The following KRT16 variants were observed in gnomAD, a reference collection of about 807,000 sequenced individuals.
The protein encoded by KRT16 is keratin 16.
KRT16 carries 42 observed loss-of-function variants against 44.8 expected under a neutral mutation model. The ratio of observed to expected loss-of-function variants is 0.94; its 90% CI spans 0.73 to 1.21. The LOEUF is 1.21. Ranked by LOEUF, KRT16 falls within the 50% of genes most tolerant of loss-of-function variation. KRT16 has a pLI of 0.00. For missense variants in KRT16, 561 were observed against 626.9 expected, an observed-to-expected ratio of 0.89 and a Z score of 1.12; for synonymous variants, 226 against 260.4, an observed-to-expected ratio of 0.87 and a Z score of 1.27.
At chr17:41,611,891 C>G in intron 1 of KRT16, 170 bp from the exon 2 acceptor site, 1 of 784,274 alleles carries the variant, frequency 1.3e-6, no homozygotes, top group Non-Finnish European at 2.2e-6. Context: ...CACTCCATCC[C>G]GATCACCCCC....
In KRT16 at chr17:41,610,023, G is replaced by A. The variant is rs1908129149; in HGVS notation, c.1334C>T (p.Thr445Ile). Residue 445 changes from threonine (T) to isoleucine (I), a missense_variant, in exon 8 of 8, where the codon ACC (threonine) becomes ATC (isoleucine). By Grantham distance (89) the Thr-to-Ile change is moderately conservative (BLOSUM62 -1). Transcript: ENST00000301653. The stretch of plus-strand genomic sequence containing the variant: ...ACGGCTCGAAGAGGACGAGGAGGAG[G>A]TGAAGACTGTGGGAGAGAGAAGAGG... Reference protein sequence around the residue: ...GQSYSSREVFTSSSSSSSRQT... With the variant: ...GQSYSSREVFISSSSSSSRQT... 1 of 1,609,048 alleles carries A rather than the reference G, an allele frequency of 6.2e-7. No homozygotes were observed. The highest frequency in any genetic ancestry group is 1.3e-5 in the African/African-American group (1 of 74,906).
Position 41,612,624 on chromosome 17 carries a change from C to T in KRT16, c.65G>A (p.Gly22Asp), listed in dbSNP as rs1191152826. 1 of 1,597,744 alleles carries T rather than the reference C, an allele frequency of 6.3e-7. No homozygotes were observed. The highest frequency in any genetic ancestry group is 2.3e-5 in the East Asian group (1 of 44,014). ...SSMKGSCGIG[G>D]GIGGGSSRIS... ...GCGGCTGGAGCCGCCCCCGATGCCG[C>T]CTCCGATGCCGCAGGAGCCCTTCAT... The change falls in exon 1 of 8, where the codon GGC becomes GAC. Residue 22 changes from glycine (G) to aspartate (D), a missense_variant. Gly to Asp is a moderately conservative substitution (Grantham distance 94). Coordinates refer to ENST00000301653, the MANE Select transcript of KRT16 (RefSeq NM_005557.4).
In KRT16 at chr17:41,610,933, T is replaced by C; in HGVS notation, c.980A>G (p.Gln327Arg). Residue 327 changes from glutamine (Q) to arginine (R), a missense_variant, in exon 5 of 8, where the codon CAG becomes CGG. Physicochemically the swap from Gln to Arg is conservative, Grantham distance 43. Transcript: ENST00000301653. ...CTCCGTCACCTCACTGCGGCTGCTC[T>C]GTACCAGTTCGCTGTTGGAGGCCAC... ...KEVASNSELV[Q>R]SSRSEVTELR... is the part of the protein sequence containing the mutation. 1 of 1,614,196 alleles carries C rather than the reference T, an allele frequency of 6.2e-7. No homozygotes were observed. Among genetic ancestry groups the C allele is most frequent in the Non-Finnish European group, 8.5e-7 (1 of 1,180,030 alleles).
intron 7 of KRT16, 25 bp downstream of exon 7, chr17:41,610,165 T>C (rs764733739): frequency 1.8e-5 from 29 of 1,613,274 alleles, no homozygotes; most frequent in Non-Finnish European, 2.1e-5. Context: ...GGGGCTGCAG[T>C]GCCGGGGAGC....
chr17:41,609,921 GAGGCAGCTC>G lies in KRT16; in HGVS notation c.*5_*13del. ...AGCTGGTGGGCAGGAGGCTGTGGTA[GAGGCAGCTC>G]AGTTCTAGGAGCTCTGGCCCTGGCT... On this transcript the variant is annotated 3_prime_UTR_variant, in exon 8 of 8. Transcript: ENST00000301653. 6.2e-7 allele frequency: 1 copy of G among 1,610,280 alleles called. No homozygotes were observed. Among genetic ancestry groups the G allele is most frequent in the Non-Finnish European group, 8.5e-7 (1 of 1,178,768 alleles).
At chr17:41,612,043 C>T in intron 1 of KRT16, 115 bp downstream of exon 1, 1 of 1,318,942 alleles carries the variant, frequency 7.6e-7, no homozygotes, top group South Asian at 1.2e-5. Context: ...ATCCTGGCCA[C>T]TCCCCAAAGG....
chr17:41,610,355 C>T lies in KRT16; in HGVS notation c.1256G>A (p.Arg419His), dbSNP rs138288025. The T allele has an allele frequency of 1.1e-5, 18 of 1,612,696 alleles. No individual in the cohort carries two copies. The African/African-American group carries it at 1.3e-4, about 12-fold the overall frequency. The change falls in exon 6 of 8, where the codon CGC becomes CAC. Residue 419 changes from arginine (R) to histidine (H), a missense_variant. By Grantham distance (29) the Arg-to-His change is conservative. Transcript: ENST00000301653. The part of the protein sequence containing the change: ...RLEQEIATYR[R>H]LLEGEDAHLS... ...CTGGGCATCCTCGCCCTCCAGCAGG[C>T]GGCGGTAGGTGGCAATCTCCTGCTC...
Position 41,612,164 on chromosome 17 carries a change from C to A in KRT16, c.525G>T (p.Arg175Ser), listed in dbSNP as rs373125352. Residue 175 changes from arginine to serine, a missense_variant, in exon 1 of 8, where the codon AGG becomes AGT. Transcript: ENST00000301653. ...ATACACCAAAGTCACCCACCTTGTT[C>A]CTCAGGTCCTCGATGGTCTTGAAGT... ...SPYFKTIEDLRNKIIAATIEN... is the reference protein window; with the variant it reads ...SPYFKTIEDLSNKIIAATIEN... The A allele has an allele frequency of 3.3e-5, 53 of 1,612,220 alleles. No homozygotes were observed. The African/African-American group carries it at 5.3e-4, about 16-fold the overall frequency.
chr17:41,611,023 C>A (rs1908176118), intron 4 of KRT16, 44 bp from the exon 5 acceptor site: 1 of 1,614,044 alleles, frequency 6.2e-7, no homozygotes, highest in African/African-American at 1.3e-5. Context: ...CTCCCAAAGC[C>A]CCCAGCTGGG....
chr17:41,611,160 T>C lies in KRT16; in HGVS notation c.842A>G (p.Asp281Gly), dbSNP rs1567744876. Reference protein sequence around the residue: ...NVEMDAAPGVDLSRILNEMRD... With the variant: ...NVEMDAAPGVGLSRILNEMRD... ...CATCTCATTCAGGATGCGGCTCAGG[T>C]CCACGCCAGGTGCAGCATCCATCTC... Residue 281 changes from aspartate (D) to glycine (G), a missense_variant, in exon 4 of 8, where the codon GAC (aspartate) becomes GGC (glycine). Transcript: ENST00000301653. 6.2e-7 allele frequency: 1 copy of C among 1,613,850 alleles called. No homozygotes were observed. Among genetic ancestry groups the C allele is most frequent in the Non-Finnish European group, 8.5e-7 (1 of 1,179,878 alleles).
chr17:41,609,950 C>G lies in KRT16; in HGVS notation c.1407G>C (p.Gln469His), dbSNP rs776848081. Reference protein sequence around the residue: ...LKEQSSSSFSQGQSS With the variant: ...LKEQSSSSFSHGQSS Reference sequence around the variant, plus strand: ...CAGCTCAGTTCTAGGAGCTCTGGCCCTGGCTGAAGCTGGATGAGCTCTGCT... The same window carrying G: ...CAGCTCAGTTCTAGGAGCTCTGGCCGTGGCTGAAGCTGGATGAGCTCTGCT... The change falls in exon 8 of 8, where the codon CAG (glutamine) becomes CAC (histidine). Residue 469 changes from glutamine to histidine, a missense_variant. By Grantham distance (24) the Gln-to-His change is conservative. Coordinates refer to ENST00000301653, the MANE Select transcript of KRT16 (RefSeq NM_005557.4). 2.6e-5 allele frequency: 42 copies of G among 1,611,736 alleles called. No individual in the cohort carries two copies. The highest frequency in any genetic ancestry group is 3.5e-5 in the Non-Finnish European group (41 of 1,179,816).
chr17:41,610,105 G>C, intron 7 of KRT16, 76 bp from the exon 8 acceptor site: 1 of 1,587,570 alleles, frequency 6.3e-7, no homozygotes, highest in South Asian at 1.1e-5. Context: ...AGGGAGGGCT[G>C]GGAGCTCTGA....
At position 41,612,225 on chromosome 17, in the gene KRT16, C is replaced by T; in HGVS notation, c.464G>A (p.Arg155Lys). The part of the protein sequence containing the change: ...LEVKIRDWYQ[R>K]QRPSEIKDYS... ...GTCTTTGATCTCACTGGGCCGCTGC[C>T]TCTGGTACCAGTCACGGATCTTCAC... Residue 155 changes from arginine (R) to lysine (K), a missense_variant, in exon 1 of 8, where the codon AGG (arginine) becomes AAG (lysine). Transcript: ENST00000301653. The T allele has an allele frequency of 6.2e-7, 1 of 1,613,286 alleles. No individual in the cohort carries two copies. The highest frequency in any genetic ancestry group is 8.5e-7 in the Non-Finnish European group (1 of 1,180,022).
intron 5 of KRT16, 133 bp downstream of exon 5, chr17:41,610,721 T>G (rs1908160590): frequency 1.0e-5 from 15 of 1,503,034 alleles, no homozygotes; most frequent in Non-Finnish European, 1.4e-5. Flanking sequence ...AGTTTCTCTA[T>G]CTATATAACG....
chr17:41,611,094 T>C lies in KRT16; in HGVS notation c.908A>G (p.Asp303Gly). ...YEQMAEKNRR[D>G]AETWFLSKTE... The stretch of plus-strand genomic sequence containing the variant: ...CTTGCTCAGGAACCAGGTCTCAGCG[T>C]CTCTGCGGTTTTTCTCTGCCATCTG... The change falls in exon 4 of 8, where the codon GAC becomes GGC. Residue 303 changes from aspartate (D) to glycine (G), a missense_variant. Physicochemically the swap from Asp to Gly is moderately conservative, Grantham distance 94. Coordinates refer to ENST00000301653, the MANE Select transcript of KRT16 (RefSeq NM_005557.4). 2.5e-6 allele frequency: 4 copies of C among 1,614,000 alleles called. No homozygotes were observed. Among genetic ancestry groups the C allele is most frequent in the Non-Finnish European group, 3.4e-6 (4 of 1,179,870 alleles).
At chr17:41,610,652 G>C in intron 5 of KRT16, 101 bp from the exon 6 acceptor site, 1 of 1,507,404 alleles carries the variant, frequency 6.6e-7, no homozygotes, top group Non-Finnish European at 9.2e-7. Context: ...TTTGATCCCA[G>C]TTGGGGTACT....
At position 41,609,885 on chromosome 17, in the gene KRT16, G is replaced by A; in HGVS notation, c.*50C>T. 6.6e-7 allele frequency: 1 copy of A among 1,515,108 alleles called. No homozygotes were observed. Among genetic ancestry groups the A allele is most frequent in the Non-Finnish European group, 9.1e-7 (1 of 1,093,844 alleles). 93.9% of individuals were successfully genotyped at this position (1,515,108 alleles called of 1,614,324 possible). On this transcript the variant is annotated 3_prime_UTR_variant, in exon 8 of 8. Transcript: ENST00000301653. ...GCAGGGTCCTGACCCGGGCCTTCAG[G>A]AGGTGAGGCCAGCTGGTGGGCAGGA... is the stretch of plus-strand genomic sequence containing the variant.
chr17:41,612,206 G>C lies in KRT16; in HGVS notation c.483C>G (p.Ile161Met), dbSNP rs1237941397. The C allele has an allele frequency of 6.2e-7, 1 of 1,612,856 alleles. No individual in the cohort carries two copies. The highest frequency in any genetic ancestry group is 1.1e-5 in the South Asian group (1 of 91,012). ...DWYQRQRPSE[I>M]KDYSPYFKTI... Reference sequence around the variant, plus strand: ...TCTTGAAGTAGGGACTGTAGTCTTTGATCTCACTGGGCCGCTGCCTCTGGT... The same window carrying C: ...TCTTGAAGTAGGGACTGTAGTCTTTCATCTCACTGGGCCGCTGCCTCTGGT... The change falls in exon 1 of 8, where the codon ATC (isoleucine) becomes ATG (methionine). Residue 161 changes from isoleucine to methionine, a missense_variant. Transcript: ENST00000301653.
Position 41,610,949 on chromosome 17 carries a change from T to G in KRT16, c.964A>C (p.Asn322His). The G allele has an allele frequency of 1.2e-6, 2 of 1,614,192 alleles. No individual in the cohort carries two copies. Among genetic ancestry groups the G allele is most frequent in the Non-Finnish European group, 1.7e-6 (2 of 1,180,028 alleles). ...CGGCTGCTCTGTACCAGTTCGCTGT[T>G]GGAGGCCACTTCTTTGTTCAGCTCC... ...TEELNKEVASNSELVQSSRSE... is the reference protein window; with the variant it reads ...TEELNKEVASHSELVQSSRSE... The change falls in exon 5 of 8, where the codon AAC becomes CAC. Residue 322 changes from asparagine (N) to histidine (H), a missense_variant. Coordinates refer to ENST00000301653, the MANE Select transcript of KRT16 (RefSeq NM_005557.4).
Sources: gnomAD v4.1 joint callset for allele counts on GRCh38, gnomAD v4.1.1 for gene constraint, MANE v1.5 for transcripts, NCBI Gene and HGNC (gene_info 2026-07-23, HGNC 2026-07-21) for gene names.